Variants in LOXL4 observed in about 807,000 individuals in gnomAD.
LOXL4 encodes lysyl oxidase like 4.
LOXL4 carries 72 observed loss-of-function variants against 89.1 expected under a neutral mutation model. The ratio of observed to expected loss-of-function variants is 0.81; its 90% confidence interval spans 0.67 to 0.98. The LOEUF is 0.98. LOXL4 is among the 50% of genes least tolerant of loss of function. The probability of loss-of-function intolerance (pLI) is 0.00; values close to 1 mark genes in which losing one functional copy is unlikely to be tolerated. For synonymous variants in LOXL4, 355 were observed against 392.1 expected (o/e 0.91, Z 1.12); for missense variants, 984 against 1,017.5 (o/e 0.97, Z 0.45).
intron 4 of LOXL4, among the ~76,000 whole-genome samples, chr10:98,260,297 T>C (rs1260638611): frequency 6.6e-6 from 1 of 152,062 alleles, no homozygotes; most frequent in Non-Finnish European, 1.5e-5. Context: ...CGCAGTGGAA[T>C]TGAGGATGGA....
chr10:98,255,662 C>T lies in LOXL4; in HGVS notation c.1506G>A (p.Leu502=). ...CGTGCCTCTGGCACTGCTGCAGGGC[C>T]AGCTCTGTGCCTGAGCAGCGCACCC... ...MSGVRCSGTE[L]ALQQCQRHGP... is the part of the protein sequence containing the mutation. Residue 502 remains leucine, a synonymous_variant, in exon 10 of 15, where the codon CTG becomes CTA. Transcript: ENST00000260702. 1 of 1,613,870 alleles carries T rather than the reference C, an allele frequency of 6.2e-7. No individual in the cohort carries two copies. The highest frequency in any genetic ancestry group is 1.3e-5 in the African/African-American group (1 of 75,052).
At chr10:98,257,057 A>G in intron 8 of LOXL4, 110 bp from the exon 9 acceptor site, 1 of 1,298,456 alleles carries the variant, frequency 7.7e-7, no homozygotes, top group South Asian at 1.5e-5. Flanking sequence ...CCTAGACAAG[A>G]CAGTCCCCTT....
intron 12 of LOXL4, 150 bp downstream of exon 12, chr10:98,252,203 G>C: frequency 1.6e-6 from 1 of 644,868 alleles, no homozygotes; most frequent in South Asian, 1.8e-5. Flanking sequence ...ATTTCAGAAG[G>C]TAAGAAATTG....
At chr10:98,260,492 C>A (rs562985248) in intron 4 of LOXL4, among the ~76,000 whole-genome samples, 2 of 152,130 alleles carry the variant, frequency 1.3e-5, no homozygotes, top group East Asian at 1.9e-4. Flanking sequence ...GGGGGGCGTT[C>A]TGTACCTAGT....
chr10:98,261,929 G>A lies in LOXL4; in HGVS notation c.456+106C>T, dbSNP rs1858552592. 2.5e-6 allele frequency: 3 copies of A among 1,214,086 alleles called. 1 individual carries two copies. 75.2% of individuals were successfully genotyped at this position (1,214,086 alleles called of 1,614,324 possible). A position where few individuals can be genotyped will look rare whatever the true frequency, so the allele number is the denominator to read the frequency against. On this transcript the variant is annotated intron_variant, in intron 3 of 14. Transcript: ENST00000260702. Reference sequence around the variant, plus strand: ...CGGCCTGGGGACGATGCTCAGTGCAGACTGCACCCTTTCCCCTCGCTTATC... The same window carrying A: ...CGGCCTGGGGACGATGCTCAGTGCAAACTGCACCCTTTCCCCTCGCTTATC...
rs1363362585 is a variant in LOXL4 at position 98,247,882 on chromosome 10, C to G, written c.*1039G>C. 2 of 152,202 alleles carry G rather than the reference C, an allele frequency of 1.3e-5. No individual in the cohort carries two copies. Among genetic ancestry groups the G allele is most frequent in the Non-Finnish European group, 2.9e-5 (2 of 68,054 alleles). 9.4% of individuals were successfully genotyped at this position (152,202 alleles called of 1,614,324 possible). A position where few individuals can be genotyped will look rare whatever the true frequency, so the allele number is the denominator to read the frequency against. ...AATGGTGGCCTTTCCCAGGTTCCAT[C>G]CTTAACTAAACTGACTGTTCCCCCT... is the stretch of plus-strand genomic sequence containing the variant. On this transcript the variant is annotated 3_prime_UTR_variant, in exon 15 of 15. Transcript: ENST00000260702.
chr10:98,258,936 C>T lies in LOXL4; in HGVS notation c.921+73G>A, dbSNP rs539495231. 98 of 1,293,318 alleles carry T rather than the reference C, an allele frequency of 7.6e-5. No homozygotes were observed. The Admixed American group carries it at 2.2e-3, about 29-fold the overall frequency. The allele number at this position is 1,293,318 out of a possible 1,614,324, so 80.1% of individuals were successfully genotyped here. The stretch of plus-strand genomic sequence containing the variant: ...CTCTCCTGCGTGTCCTGGACCTCCC[C>T]GCACCCCCCACCAGGCAGTGTCCCG... On this transcript the variant is annotated intron_variant, in intron 6 of 14. Transcript: ENST00000260702.
intron 9 of LOXL4, 55 bp from the exon 10 acceptor site, chr10:98,255,794 C>A: frequency 6.3e-7 from 1 of 1,576,576 alleles, no homozygotes; most frequent in Non-Finnish European, 8.7e-7. Flanking sequence ...CACCTCCTGA[C>A]TCCCATCTGA....
chr10:98,264,161 G>T (rs1388784682), intron 1 of LOXL4, among the ~76,000 whole-genome samples: 3 of 151,324 alleles, frequency 2.0e-5, no homozygotes, highest in African/African-American at 7.3e-5. Flanking sequence ...ACACATTTTT[G>T]GAATACTTGC....
Position 98,248,843 on chromosome 10 carries a change from G to T in LOXL4, c.*78C>A. The T allele has an allele frequency of 7.4e-7, 1 of 1,342,978 alleles. No individual in the cohort carries two copies. Among genetic ancestry groups the T allele is most frequent in the Non-Finnish European group, 1.1e-6 (1 of 950,734 alleles). The allele number at this position is 1,342,978 out of a possible 1,614,324, so 83.2% of individuals were successfully genotyped here. ...CACTGGCCCTTTTCCTCTGAGTTGGGACTCTGTGAAGGGCATGGCTCCAAT... is the reference window on the plus strand; with the variant it reads ...CACTGGCCCTTTTCCTCTGAGTTGGTACTCTGTGAAGGGCATGGCTCCAAT... On this transcript the variant is annotated 3_prime_UTR_variant, in exon 15 of 15. Coordinates refer to ENST00000260702, the MANE Select transcript of LOXL4 (RefSeq NM_032211.7).
chr10:98,255,514 G>T, intron 10 of LOXL4, 63 bp downstream of exon 10: 2 of 1,510,690 alleles, frequency 1.3e-6, no homozygotes, highest in Non-Finnish European at 1.8e-6. Flanking sequence ...AGCATGCAGG[G>T]CCCTCCCTGA....
Position 98,261,666 on chromosome 10 carries a change from C to T in LOXL4, c.456+369G>A, listed in dbSNP as rs572527623. Among the ~76,000 whole-genome samples, 3 of 152,376 alleles carry T rather than the reference C, an allele frequency of 2.0e-5. No individual in the cohort carries two copies. In the East Asian group the frequency reaches 5.8e-4, roughly 29 times the overall value. On this transcript the variant is annotated intron_variant, in intron 3 of 14. Transcript: ENST00000260702. ...AGGCTGCCTGGCAGCAGAGCCCTGC[C>T]CTGCCCGCTCCTGTTGTTTGGCTTG...
intron 1 of LOXL4, among the ~76,000 whole-genome samples, chr10:98,264,462 G>A (rs1858631103): frequency 1.3e-5 from 2 of 151,452 alleles, no homozygotes; most frequent in African/African-American, 4.9e-5. Flanking sequence ...GACGAGCTGG[G>A]GCCAATGATC....
chr10:98,249,212 C>G (rs1260084973), intron 14 of LOXL4, among the ~76,000 whole-genome samples: 1 of 152,196 alleles, frequency 6.6e-6, no homozygotes, highest in Non-Finnish European at 1.5e-5. Context: ...GCTAGTTATT[C>G]TCCTTTGCCC....
intron 10 of LOXL4, among the ~76,000 whole-genome samples, chr10:98,254,885 C>T (rs1858310539): frequency 6.6e-6 from 1 of 152,228 alleles, no homozygotes; most frequent in Non-Finnish European, 1.5e-5. Context: ...CAGGAGCTCA[C>T]TGACAAAGAT....
chr10:98,256,676 G>A (rs1409115855), intron 9 of LOXL4, 104 bp downstream of exon 9: 2 of 1,348,160 alleles, frequency 1.5e-6, no homozygotes, highest in Non-Finnish European at 2.1e-6. Flanking sequence ...ACTCAGTAAT[G>A]AATTGCCAAA....
rs746931431 is a variant in LOXL4, at chr10:98,252,486, C to T, written c.1836-18G>A. The T allele has an allele frequency of 1.9e-6, 3 of 1,565,212 alleles. No individual in the cohort carries two copies. The African/African-American group carries it at 4.1e-5, about 21-fold the overall frequency. On this transcript the variant is annotated intron_variant, in intron 11 of 14. Coordinates refer to ENST00000260702, the MANE Select transcript of LOXL4 (RefSeq NM_032211.7). ...GGTAATGCCTGCAGAAGGGGTAGAG[C>T]TGTCAGTGCGGCAGCAACAGGAGAG... is the stretch of plus-strand genomic sequence containing the variant.
Position 98,251,065 on chromosome 10 carries a change from C to A in LOXL4, c.2200G>T (p.Gly734Trp). The change falls in exon 14 of 15, where the codon GGG becomes TGG. Residue 734 changes from glycine to tryptophan, a missense_variant and splice_region_variant. Transcript: ENST00000260702. Reference sequence around the variant, plus strand: ...TGATTCCACAGTGGCTCGGAGTTACCTGTGTGGCAGTTGTGCAGCCAGACC... The same window carrying A: ...TGATTCCACAGTGGCTCGGAGTTACATGTGTGGCAGTTGTGCAGCCAGACC... ...HRVWLHNCHT[G>W]NSYPANAELS... 5 of 1,612,258 alleles carry A rather than the reference C, an allele frequency of 3.1e-6. No homozygotes were observed. The highest frequency in any genetic ancestry group is 4.2e-6 in the Non-Finnish European group (5 of 1,178,474).
chr10:98,259,183 G>A lies in LOXL4; in HGVS notation c.747C>T (p.Val249=). The A allele has an allele frequency of 6.2e-7, 1 of 1,612,176 alleles. No individual in the cohort carries two copies. ...TGTGGGGCTCTGTCCCCAGGCAGGT[G>A]ACCTGGTGGATCCAGAAGGAGTTCT... is the stretch of plus-strand genomic sequence containing the variant. ...TNKNSFWIHQ[V]TCLGTEPHMA... The change falls in exon 6 of 15, where the codon GTC becomes GTT. Residue 249 remains valine (V), a synonymous_variant. Transcript: ENST00000260702.
Sources: gnomAD v4.1 joint callset for allele counts (sites outside exome capture counted in the v4.1 genomes callset) on GRCh38, gnomAD v4.1.1 for gene constraint, MANE v1.5 for transcripts, NCBI Gene and HGNC (gene_info 2026-07-23, HGNC 2026-07-21) for gene names.